The following SLC17A5 variants were observed in gnomAD, a reference collection of about 807,000 sequenced individuals.
SLC17A5 encodes solute carrier family 17 member 5, also known as sialin.
Under a neutral mutation model 59.4 loss-of-function variants are expected in SLC17A5, and 47 were observed. The observed-to-expected ratio is 0.79, with a 90% CI of 0.63 to 1.01. The LOEUF (loss-of-function observed/expected upper bound fraction) is 1.01, where lower values mean the gene tolerates loss of function less well. Among genes scored for constraint, SLC17A5 ranks in the 50% least tolerant of loss-of-function variants. The pLI is 0.00. For missense variants in SLC17A5, 522 were observed against 595.5 expected (o/e 0.88, Z 1.28); for synonymous variants, 202 against 210.7 (o/e 0.96, Z 0.36).
In SLC17A5 at chr6:73,641,847, C is replaced by T. The variant is rs1769300890; in HGVS notation, c.369G>A (p.Gln123=). 1 of 1,614,166 alleles carries T rather than the reference C, an allele frequency of 6.2e-7. No homozygotes were observed. The highest frequency in any genetic ancestry group is 1.1e-5 in the South Asian group (1 of 91,080). Residue 123 remains glutamine, a synonymous_variant, in exon 3 of 11, where the codon CAG becomes CAA. Transcript: ENST00000355773. The stretch of plus-strand genomic sequence containing the variant: ...TGCTGGCAACATATCCTCCAGGAAT[C>T]TGTGTGATGATGTAGCCATAAAAAA... ...GSFFYGYIIT[Q]IPGGYVASKI...
intron 6 of SLC17A5, 113 bp from the exon 7 acceptor site, chr6:73,622,075 A>G: frequency 1.0e-6 from 1 of 976,296 alleles, no homozygotes; most frequent in South Asian, 1.4e-5. Flanking sequence ...CTTAATTAGT[A>G]AACTCCAAAT....
intron 1 of SLC17A5, among the ~76,000 whole-genome samples, chr6:73,652,566 T>C (rs944556313): frequency 2.0e-5 from 3 of 152,232 alleles, no homozygotes; most frequent in Non-Finnish European, 4.4e-5. Context: ...CTCTGGCAAA[T>C]ATCTTTATTA....
chr6:73,650,197 CAAA>C (rs756204732), intron 1 of SLC17A5, among the ~76,000 whole-genome samples: 1 of 39,050 alleles, frequency 2.6e-5, no homozygotes, highest in Non-Finnish European at 7.4e-5. Context: ...CTTTTTTCTA[CAAA>C]AAAAAAAAAA....
intron 1 of SLC17A5, among the ~76,000 whole-genome samples, chr6:73,651,460 C>CAAAAA (rs538079302): frequency 1.3e-4 from 4 of 29,878 alleles, no homozygotes; most frequent in African/African-American, 1.8e-4. Flanking sequence ...AACTCCGTCT[C>CAAAAA]AAAAAAAAAA....
At chr6:73,627,467 TAAG>T (rs1768482521) in intron 6 of SLC17A5, among the ~76,000 whole-genome samples, 1 of 152,154 alleles carries the variant, frequency 6.6e-6, no homozygotes, top group African/African-American at 2.4e-5. Flanking sequence ...AGGTTGGGCT[TAAG>T]AAGGTACAAA....
intron 6 of SLC17A5, among the ~76,000 whole-genome samples, chr6:73,627,077 T>A (rs1768453658): frequency 6.9e-6 from 1 of 144,618 alleles, no homozygotes; most frequent in Non-Finnish European, 1.5e-5. Flanking sequence ...TGGCCAGAAC[T>A]AATTTTTTTT....
intron 6 of SLC17A5, among the ~76,000 whole-genome samples, chr6:73,632,211 A>G (rs1768762345): frequency 6.8e-6 from 1 of 146,142 alleles, no homozygotes; most frequent in Non-Finnish European, 1.5e-5. Context: ...AGGTGGGAAG[A>G]CTGCTTGAAC....
chr6:73,599,400 T>G (rs1286716679), intron 10 of SLC17A5, among the ~76,000 whole-genome samples: 9 of 151,976 alleles, frequency 5.9e-5, no homozygotes, highest in Non-Finnish European at 1.2e-4. Context: ...TTAATAGCAT[T>G]AAACAAATGC....
At chr6:73,626,448 T>C (rs147670854) in intron 6 of SLC17A5, among the ~76,000 whole-genome samples, 158 of 152,366 alleles carry the variant, frequency 1.0e-3, no homozygotes, top group African/African-American at 3.3e-3. Context: ...GATCAACTTA[T>C]AGTATTTCCA....
Position 73,596,526 on chromosome 6 carries a change from G to T in SLC17A5, c.1351-1312C>A, listed in dbSNP as rs912711398. On this transcript the variant is annotated intron_variant, in intron 10 of 10. Coordinates refer to ENST00000355773, the MANE Select transcript of SLC17A5 (RefSeq NM_012434.5). ...CATTTTTTGGATTTTTTCAATTTCA[G>T]TCTAACCAGAGTGGTGACTACATTT... 3.3e-5 allele frequency among the ~76,000 whole-genome samples: 5 copies of T among 152,204 alleles called. No homozygotes were observed. In the South Asian group the frequency reaches 1.0e-3, roughly 32 times the overall value.
intron 9 of SLC17A5, among the ~76,000 whole-genome samples, chr6:73,606,419 C>T (rs1767393953): frequency 6.6e-6 from 1 of 152,208 alleles, no homozygotes; most frequent in Admixed American, 6.5e-5. Context: ...GGCACAAAGG[C>T]ACTTGCTTAC....
rs1769312737 is a variant in SLC17A5, at chr6:73,642,086, G to A, written c.292-162C>T. Among the ~76,000 whole-genome samples the A allele has an allele frequency of 2.0e-5, 3 of 152,220 alleles. No homozygotes were observed. In the South Asian group the frequency reaches 6.2e-4, roughly 31 times the overall value. Reference sequence around the variant, plus strand: ...TAGGTGGGTGAGTCATAACAATATAGATATACAGTATTTAGAAGTGAATGA... The same window carrying A: ...TAGGTGGGTGAGTCATAACAATATAAATATACAGTATTTAGAAGTGAATGA... On this transcript the variant is annotated intron_variant, in intron 2 of 10. Coordinates refer to ENST00000355773, the MANE Select transcript of SLC17A5 (RefSeq NM_012434.5).
At chr6:73,637,043 G>A (rs1769041389) in intron 4 of SLC17A5, among the ~76,000 whole-genome samples, 1 of 151,298 alleles carries the variant, frequency 6.6e-6, no homozygotes, top group Non-Finnish European at 1.5e-5. Context: ...GGGCGATTGT[G>A]CCACTGCCTT....
intron 5 of SLC17A5, among the ~76,000 whole-genome samples, chr6:73,636,418 AC>A (rs1769002573): frequency 6.6e-6 from 1 of 152,166 alleles, no homozygotes; most frequent in Non-Finnish European, 1.5e-5. Context: ...AGTCATTTCT[AC>A]TGAGAAATAT....
chr6:73,653,772 C>G, intron 1 of SLC17A5, 21 bp downstream of exon 1: 1 of 1,562,874 alleles, frequency 6.4e-7, no homozygotes, highest in Non-Finnish European at 8.7e-7. Context: ...CTCGAAGCCC[C>G]TGGACGACCC....
At position 73,593,462 on chromosome 6, in the gene SLC17A5, A is replaced by G. The variant is rs1014567896; in HGVS notation, c.*1615T>C. ...AAGCTATTTACAAATTTAAAAATAA[A>G]TGTACATAAATGTATTCACATCACA... On this transcript the variant is annotated 3_prime_UTR_variant, in exon 11 of 11. Coordinates refer to ENST00000355773, the MANE Select transcript of SLC17A5 (RefSeq NM_012434.5). 9 of 152,274 alleles carry G rather than the reference A, an allele frequency of 5.9e-5. No homozygotes were observed. Among genetic ancestry groups the G allele is most frequent in the African/African-American group, 1.9e-4 (8 of 41,472 alleles). 9.4% of individuals were successfully genotyped at this position (152,274 alleles called of 1,614,324 possible). A position where few individuals can be genotyped will look rare whatever the true frequency, so the allele number is the denominator to read the frequency against.
chr6:73,603,044 A>G (rs1581956981), intron 9 of SLC17A5, among the ~76,000 whole-genome samples: 2 of 152,324 alleles, frequency 1.3e-5, no homozygotes, highest in South Asian at 4.1e-4. Context: ...TAACATTTTC[A>G]TAAATATCCT....
Position 73,621,872 on chromosome 6 carries a change from TC to T in SLC17A5, c.909del (p.Trp303Ter), listed in dbSNP as rs1446596125. The T allele has an allele frequency of 1.9e-6, 3 of 1,613,502 alleles. No individual in the cohort carries two copies. The highest frequency in any genetic ancestry group is 2.5e-6 in the Non-Finnish European group (3 of 1,179,482). ...AIVVAHFSYN[W>X]TFYTLLTLLP... ...AATAATGTCAATAAAGTATAAAAAG[TC>T]CAGTTGTAAGAAAAGTGTGCAACTA... On this transcript the variant is annotated frameshift_variant, in exon 7 of 11. Coordinates refer to ENST00000355773, the MANE Select transcript of SLC17A5 (RefSeq NM_012434.5). LOFTEE classifies it high-confidence loss of function.
chr6:73,622,111 TA>T, intron 6 of SLC17A5, 149 bp from the exon 7 acceptor site: 1 of 689,700 alleles, frequency 1.4e-6, no homozygotes, highest in Non-Finnish European at 2.5e-6. Context: ...TTTGAAATAT[TA>T]AATAGCAAAA....
Sources: allele counts gnomAD v4.1 joint callset (sites outside exome capture counted in the v4.1 genomes callset), GRCh38; gene constraint gnomAD v4.1.1; transcripts MANE v1.5; gene names NCBI Gene and HGNC (gene_info 2026-07-23, HGNC 2026-07-21).